Variants in CNGA3 observed in about 807,000 individuals in gnomAD.
CNGA3 encodes cyclic nucleotide gated channel subunit alpha 3, also known as cyclic nucleotide-gated channel alpha-3.
A neutral mutation model predicts 46.6 loss-of-function variants in CNGA3; 42 were observed. The observed-to-expected ratio is 0.90, with a 90% CI of 0.70 to 1.17. The LOEUF (loss-of-function observed/expected upper bound fraction) is 1.17. CNGA3 is among the 50% of genes most tolerant of loss of function. CNGA3 has a pLI of 0.00. For synonymous variants in CNGA3, 394 were observed against 369.4 expected, an observed-to-expected ratio of 1.07 and a Z score of -0.76; for missense variants, 893 against 890.7, an observed-to-expected ratio of 1.00 and a Z score of -0.03.
intron 4 of CNGA3, among the ~76,000 whole-genome samples, chr2:98,381,002 G>GC (rs1274247715): frequency 6.6e-6 from 1 of 152,066 alleles, no homozygotes; most frequent in Non-Finnish European, 1.5e-5. Context: ...ATCTTGCTTC[G>GC]CCCCCACCCT....
At chr2:98,393,996 G>A (rs558282734) in intron 7 of CNGA3, among the ~76,000 whole-genome samples, 15 of 150,884 alleles carry the variant, frequency 9.9e-5, no homozygotes, top group African/African-American at 2.7e-4. Flanking sequence ...AGAGTGAGAC[G>A]TCCTACCCCA....
At chr2:98,359,684 C>T (rs780679591) in intron 1 of CNGA3, among the ~76,000 whole-genome samples, 4 of 152,178 alleles carry the variant, frequency 2.6e-5, no homozygotes, top group South Asian at 2.1e-4. Context: ...GTCCACACCA[C>T]GTCAAAGGGG....
intron 4 of CNGA3, among the ~76,000 whole-genome samples, chr2:98,381,044 A>G (rs780749836): frequency 6.6e-6 from 1 of 152,164 alleles, no homozygotes; most frequent in Non-Finnish European, 1.5e-5. Context: ...TCAGACTGGT[A>G]GCCCCTTACA....
chr2:98,380,122 G>A, intron 3 of CNGA3, 53 bp from the exon 4 acceptor site: 1 of 1,599,516 alleles, frequency 6.3e-7, no homozygotes, highest in Non-Finnish European at 8.5e-7. Context: ...GGGGTTTGGG[G>A]GTGTGGGGGG....
chr2:98,397,504 G>A lies in CNGA3; in HGVS notation c.*249G>A. On this transcript the variant is annotated 3_prime_UTR_variant, in exon 8 of 8. Coordinates refer to ENST00000272602, the MANE Select transcript of CNGA3 (RefSeq NM_001298.3). ...ACTGCACCAGGCAGGGCTTTGCAAA[G>A]TGCAAGGTATCCCCAGTCCAAGTAT... 1.8e-6 allele frequency: 1 copy of A among 567,132 alleles called. No individual in the cohort carries two copies. The highest frequency in any genetic ancestry group is 3.2e-6 in the Non-Finnish European group (1 of 317,024). 35.1% of individuals were successfully genotyped at this position (567,132 alleles called of 1,614,324 possible).
intron 1 of CNGA3, among the ~76,000 whole-genome samples, chr2:98,367,489 C>T (rs1003302651): frequency 9.2e-5 from 14 of 152,118 alleles, no homozygotes; most frequent in Non-Finnish European, 1.8e-4. Context: ...CTACCCCGCC[C>T]GGCTGACCTC....
In CNGA3 at chr2:98,360,863, A is replaced by C. The variant is rs181153917; in HGVS notation, c.-37-9076A>C. Among the ~76,000 whole-genome samples the C allele has an allele frequency of 6.6e-5, 10 of 152,248 alleles. No homozygotes were observed. In the East Asian group the frequency reaches 1.9e-3, roughly 29 times the overall value. On this transcript the variant is annotated intron_variant, in intron 1 of 7. Transcript: ENST00000272602. ...TGCAATGAAGACACTAATAGCATCC[A>C]CCTCAGAGACTCTCATGTTAGAATA...
chr2:98,349,826 C>A (rs1380743878), intron 1 of CNGA3, among the ~76,000 whole-genome samples: 1 of 152,160 alleles, frequency 6.6e-6, no homozygotes. Flanking sequence ...GATGCTGGAT[C>A]TGGGGCAGTA....
At chr2:98,394,439 G>A (rs1692862504) in intron 7 of CNGA3, among the ~76,000 whole-genome samples, 1 of 152,128 alleles carries the variant, frequency 6.6e-6, no homozygotes, top group South Asian at 2.1e-4. Context: ...GCTGACTGGT[G>A]AAATCAATTT....
intron 2 of CNGA3, chr2:98,377,281 A>C: frequency 4.7e-6 from 1 of 211,216 alleles, no homozygotes; most frequent in Non-Finnish European, 9.7e-6. Context: ...TATTCAATCT[A>C]GCCTCAGAAG....
At chr2:98,393,811 T>G (rs1692846375) in intron 7 of CNGA3, among the ~76,000 whole-genome samples, 1 of 151,854 alleles carries the variant, frequency 6.6e-6, no homozygotes, top group African/African-American at 2.4e-5. Flanking sequence ...GAAAACATCA[T>G]TAGAATTGAG....
Position 98,397,403 on chromosome 2 carries a change from T to A in CNGA3, c.*148T>A. ...GTGTGACTGCCTGAGAGAACCTGTT[T>A]CTTCACCTAAAAAATGGGACTTTTT... is the stretch of plus-strand genomic sequence containing the variant. On this transcript the variant is annotated 3_prime_UTR_variant, in exon 8 of 8. Coordinates refer to ENST00000272602, the MANE Select transcript of CNGA3 (RefSeq NM_001298.3). The A allele has an allele frequency of 2.4e-6, 2 of 825,626 alleles. No individual in the cohort carries two copies. The highest frequency in any genetic ancestry group is 3.9e-6 in the Non-Finnish European group (2 of 511,418). The allele number at this position is 825,626 out of a possible 1,614,324, so 51.1% of individuals were successfully genotyped here.
intron 1 of CNGA3, among the ~76,000 whole-genome samples, chr2:98,362,098 T>C (rs1692047713): frequency 2.0e-5 from 3 of 152,008 alleles, no homozygotes; most frequent in East Asian, 3.9e-4. Flanking sequence ...TCAGTGACGT[T>C]AAGCTTTTTT....
chr2:98,366,578 G>T (rs978132964), intron 1 of CNGA3, among the ~76,000 whole-genome samples: 1 of 152,238 alleles, frequency 6.6e-6, no homozygotes, highest in African/African-American at 2.4e-5. Context: ...TCCAGCCCCT[G>T]GCTGGGGTTG....
At position 98,396,522 on chromosome 2, in the gene CNGA3, T is replaced by A. The variant is rs1558820535; in HGVS notation, c.1352T>A (p.Val451Glu). Residue 451 changes from valine to glutamate, a missense_variant, in exon 8 of 8, where the codon GTG becomes GAG. This residue lies in a region of CNGA3 where 548 missense variants were observed against 570.8 expected (regional missense o/e 0.96). Transcript: ENST00000272602. ...FDYLWANKKTVDEKEVLKSLP... is the reference protein window; with the variant it reads ...FDYLWANKKTEDEKEVLKSLP... ...TACCTGTGGGCCAACAAGAAGACGG[T>A]GGATGAGAAGGAGGTGCTCAAGAGC... 9.3e-6 allele frequency: 15 copies of A among 1,613,704 alleles called. No homozygotes were observed. Among genetic ancestry groups the A allele is most frequent in the African/African-American group, 1.3e-5 (1 of 74,870 alleles).
chr2:98,358,300 T>G (rs904204823), intron 1 of CNGA3, among the ~76,000 whole-genome samples: 4 of 152,266 alleles, frequency 2.6e-5, no homozygotes, highest in Admixed American at 1.3e-4. Context: ...AGTAAAATTT[T>G]TTCTTTTAAA....
At chr2:98,371,496 C>A (rs955128329) in intron 2 of CNGA3, among the ~76,000 whole-genome samples, 8 of 152,176 alleles carry the variant, frequency 5.3e-5, no homozygotes, top group African/African-American at 1.9e-4. Flanking sequence ...GCCCTTGAAC[C>A]CCACCTTCTG....
At chr2:98,372,831 C>T (rs755779987) in intron 2 of CNGA3, among the ~76,000 whole-genome samples, 5 of 152,084 alleles carry the variant, frequency 3.3e-5, no homozygotes, top group Admixed American at 1.3e-4. Context: ...CTCAGATAGC[C>T]GCATTTCCTG....
At position 98,389,646 on chromosome 2, in the gene CNGA3, G is replaced by A. The variant is rs538751113; in HGVS notation, c.450-12G>A. ...AGCACAGTGCGCTGTTTGTGTATGT[G>A]TGGGTTTCCAGGAAGAAGACGAAAA... is the stretch of plus-strand genomic sequence containing the variant. On this transcript the variant is annotated splice_polypyrimidine_tract_variant and intron_variant, in intron 5 of 7. Transcript: ENST00000272602. 364 of 1,611,922 alleles carry A rather than the reference G, an allele frequency of 2.3e-4. 4 individuals are homozygous for A. The South Asian group carries it at 3.7e-3, about 16-fold the overall frequency.
Sources: allele counts gnomAD v4.1 joint callset (sites outside exome capture counted in the v4.1 genomes callset), GRCh38; gene constraint gnomAD v4.1.1; regional missense constraint gnomAD v4.1.1; transcripts MANE v1.5; gene names NCBI Gene and HGNC (gene_info 2026-07-23, HGNC 2026-07-21).